The following AGPAT3 variants were observed in gnomAD, a reference collection of about 807,000 sequenced individuals.
The protein encoded by AGPAT3 is 1-acyl-sn-glycerol-3-phosphate acyltransferase gamma.
AGPAT3 carries 5 observed loss-of-function variants against 47.3 expected under a neutral mutation model. That is an observed-to-expected ratio of 0.11 (90% CI 0.06 to 0.22). The LOEUF (loss-of-function observed/expected upper bound fraction) is 0.22, where lower values mean the gene tolerates loss of function less well. Among genes scored for constraint, AGPAT3 ranks in the 10% least tolerant of loss-of-function variants. The pLI is 1.00. For missense variants in AGPAT3, 315 were observed against 493.0 expected (o/e 0.64, Z 3.42); for synonymous variants, 212 against 208.3 (o/e 1.02, Z -0.15).
intron 1 of AGPAT3, among the ~76,000 whole-genome samples, chr21:43,903,000 C>G (rs1463762781): frequency 6.6e-6 from 1 of 151,650 alleles, no homozygotes; most frequent in Non-Finnish European, 1.5e-5. Context: ...GATCCTGTCT[C>G]AAAAAAAATA....
intron 2 of AGPAT3, among the ~76,000 whole-genome samples, chr21:43,938,137 C>T (rs1388057137): frequency 1.3e-5 from 2 of 151,990 alleles, no homozygotes; most frequent in East Asian, 3.9e-4. Flanking sequence ...CACACACACA[C>T]ACACTCACAC....
Position 43,987,402 on chromosome 21 carries a change from T to C in AGPAT3, c.*5010T>C, listed in dbSNP as rs2030397510. Among the ~76,000 whole-genome samples, 2 of 152,136 alleles carry C rather than the reference T, an allele frequency of 1.3e-5. No homozygotes were observed. Among genetic ancestry groups the C allele is most frequent in the Admixed American group, 1.3e-4 (2 of 15,272 alleles). On this transcript the variant is annotated 3_prime_UTR_variant, in exon 10 of 10. Coordinates refer to ENST00000291572, the MANE Select transcript of AGPAT3 (RefSeq NM_020132.5). ...GGGGAAATCAGCCAGTCCACAAAAATACGCAAAATGACCTGATGATGTCCA... is the reference window on the plus strand; with the variant it reads ...GGGGAAATCAGCCAGTCCACAAAAACACGCAAAATGACCTGATGATGTCCA...
intron 1 of AGPAT3, among the ~76,000 whole-genome samples, chr21:43,895,602 ATT>A (rs1337225634): frequency 7.0e-4 from 100 of 143,848 alleles, no homozygotes; most frequent in African/African-American, 2.6e-3. Context: ...TTAAAAAAAA[ATT>A]TTTTTTTGAG....
At chr21:43,869,378 A>G (rs1489037632) in intron 1 of AGPAT3, among the ~76,000 whole-genome samples, 1 of 152,256 alleles carries the variant, frequency 6.6e-6, no homozygotes, top group East Asian at 1.9e-4. Flanking sequence ...GGAGCTACAC[A>G]TAATTTTTGC....
chr21:43,911,443 C>T (rs939960345), intron 2 of AGPAT3, among the ~76,000 whole-genome samples: 6 of 152,346 alleles, frequency 3.9e-5, no homozygotes, highest in South Asian at 4.1e-4. Context: ...TCCAGGCCAA[C>T]GCAGCGAGGC....
chr21:43,909,226 C>T (rs1043593163), intron 2 of AGPAT3, among the ~76,000 whole-genome samples: 8 of 152,094 alleles, frequency 5.3e-5, no homozygotes, highest in East Asian at 3.9e-4. Flanking sequence ...ACAGGCCCCT[C>T]GGTCCATGGC....
intron 2 of AGPAT3, among the ~76,000 whole-genome samples, chr21:43,944,380 G>A (rs1195636538): frequency 6.6e-6 from 1 of 152,256 alleles, no homozygotes; most frequent in Non-Finnish European, 1.5e-5. Context: ...GAGAGAGAGA[G>A]GGAAGGTAAC....
chr21:43,935,089 CAG>C (rs1245592947), intron 2 of AGPAT3, among the ~76,000 whole-genome samples: 3 of 152,258 alleles, frequency 2.0e-5, no homozygotes, highest in Non-Finnish European at 2.9e-5. Context: ...GGAGGCTGGA[CAG>C]GGGGGGCTTC....
intron 1 of AGPAT3, among the ~76,000 whole-genome samples, chr21:43,868,874 G>A (rs1210832762): frequency 6.6e-6 from 1 of 152,202 alleles, no homozygotes; most frequent in East Asian, 1.9e-4. Flanking sequence ...GGGAAACTGA[G>A]TGGGGAAGTG....
chr21:43,931,916 G>A (rs1002182610), intron 2 of AGPAT3, among the ~76,000 whole-genome samples: 6 of 143,218 alleles, frequency 4.2e-5, no homozygotes, highest in Admixed American at 2.9e-4. Context: ...TACCTGAAGA[G>A]GATCTCGTGT....
intron 2 of AGPAT3, among the ~76,000 whole-genome samples, chr21:43,924,728 C>T (rs1236823784): frequency 2.0e-5 from 3 of 152,172 alleles, no homozygotes; most frequent in East Asian, 1.9e-4. Flanking sequence ...GCAGGAAGGT[C>T]GAGAAGGGCA....
intron 2 of AGPAT3, among the ~76,000 whole-genome samples, chr21:43,958,692 G>A (rs1245233352): frequency 2.7e-5 from 4 of 150,114 alleles, no homozygotes; most frequent in Non-Finnish European, 5.9e-5. Context: ...TGTGTGGTGT[G>A]TATGTGGCAT....
chr21:43,916,338 G>T (rs748109687), intron 2 of AGPAT3: 1 of 152,162 alleles, frequency 6.6e-6, no homozygotes, highest in Non-Finnish European at 1.5e-5. Context: ...GAAGGGACAC[G>T]CACGTCTCCT....
chr21:43,960,906 T>G (rs777499446), intron 3 of AGPAT3: 3 of 332,782 alleles, frequency 9.0e-6, no homozygotes, highest in Non-Finnish European at 1.3e-5. Flanking sequence ...TTTGAGAGGC[T>G]GAGGCAGGTG....
In AGPAT3 at chr21:43,981,126, G is replaced by A. The variant is rs1435166989; in HGVS notation, c.981G>A (p.Leu327=). ...TGTCTCCCCTCTTCAGTTTTGTCTT[G>A]GGCGTCTTTGCCAGCGGATCACCTC... ...ILLSPLFSFV[L]GVFASGSPLL... Residue 327 remains leucine (L), a synonymous_variant, in exon 9 of 10, where the codon TTG becomes TTA. Coordinates refer to ENST00000291572, the MANE Select transcript of AGPAT3 (RefSeq NM_020132.5). This position sits in a 1 kb window ranked among gnomAD's most constrained non-coding sequence, Gnocchi z 5.3. 6.2e-7 allele frequency: 1 copy of A among 1,614,008 alleles called. No homozygotes were observed. Among genetic ancestry groups the A allele is most frequent in the African/African-American group, 1.3e-5 (1 of 74,894 alleles).
At chr21:43,869,532 C>T (rs1482187357) in intron 1 of AGPAT3, among the ~76,000 whole-genome samples, 4 of 152,194 alleles carry the variant, frequency 2.6e-5, no homozygotes, top group African/African-American at 7.2e-5. Context: ...GCAGGTGCCA[C>T]GATGAGATGG....
chr21:43,971,640 C>T (rs2089402093), intron 7 of AGPAT3, 150 bp downstream of exon 7: 1 of 710,348 alleles, frequency 1.4e-6, no homozygotes, highest in Non-Finnish European at 2.4e-6. Flanking sequence ...GCAGCCCTGC[C>T]CTGCTGAGCA....
intron 1 of AGPAT3, among the ~76,000 whole-genome samples, chr21:43,889,180 C>G (rs2086047666): frequency 6.6e-6 from 1 of 151,958 alleles, no homozygotes; most frequent in Non-Finnish European, 1.5e-5. Context: ...GTGCTGGCAT[C>G]TCCAACAAGC....
At chr21:43,962,669 T>G (rs1384989608) in intron 3 of AGPAT3, among the ~76,000 whole-genome samples, 1 of 152,162 alleles carries the variant, frequency 6.6e-6, no homozygotes, top group Admixed American at 6.5e-5. Flanking sequence ...AGCCTAACCC[T>G]TGGGCAGCTG....
Sources: allele counts gnomAD v4.1 joint callset (sites outside exome capture counted in the v4.1 genomes callset), GRCh38; gene constraint gnomAD v4.1.1; non-coding constraint Gnocchi (gnomAD v3.1); transcripts MANE v1.5; gene names NCBI Gene and HGNC (gene_info 2026-07-23, HGNC 2026-07-21).